The following CATSPERQ variants were observed in gnomAD, a reference collection of about 807,000 sequenced individuals.
CATSPERQ encodes the protein catsper channel auxiliary subunit theta.
the CATSPERQ span, chr8:144,354,021 G>T: frequency 4.6e-6 from 7 of 1,535,494 alleles, no homozygotes; most frequent in Non-Finnish European, 5.2e-6. This position sits in a 1 kb window ranked among gnomAD's most constrained non-coding sequence, Gnocchi z 4.6. Context: ...TGCGGCCCTG[G>T]ATGGAGAAGT....
At chr8:144,353,950 T>C in the CATSPERQ span, 2 of 1,530,668 alleles carry the variant, frequency 1.3e-6, no homozygotes, top group East Asian at 2.5e-5. Context: ...TCCCGGCCCG[T>C]TACCATCGGA....
the CATSPERQ span, chr8:144,354,839 T>TA: frequency 6.7e-7 from 1 of 1,491,804 alleles, no homozygotes; most frequent in Non-Finnish European, 8.9e-7. The surrounding 1 kb of genome is among the most constrained non-coding windows in gnomAD (Gnocchi z 4.6). Context: ...GCGGCACTCC[T>TA]ACCTCGGTGA....
chr8:144,354,316 T>C, the CATSPERQ span: 4 of 1,533,558 alleles, frequency 2.6e-6, no homozygotes, highest in Non-Finnish European at 1.7e-6. The surrounding 1 kb of genome is among the most constrained non-coding windows in gnomAD (Gnocchi z 4.6). Context: ...GTCCAGGTAG[T>C]ATTCGAGCAC....
the CATSPERQ span, chr8:144,354,104 C>A: frequency 6.5e-7 from 1 of 1,535,282 alleles, no homozygotes; most frequent in East Asian, 2.4e-5. The surrounding 1 kb of genome is among the most constrained non-coding windows in gnomAD (Gnocchi z 4.6). Flanking sequence ...CACAGGCCCA[C>A]GCCCACGCCG....
chr8:144,354,564 G>GCC, the CATSPERQ span: 1 of 254,766 alleles, frequency 3.9e-6, no homozygotes, highest in Non-Finnish European at 5.9e-6. The surrounding 1 kb of genome is among the most constrained non-coding windows in gnomAD (Gnocchi z 4.6). Context: ...CTCCTCCCCC[G>GCC]CCCCGCCCTT....
the CATSPERQ span, chr8:144,354,602 C>T: frequency 1.3e-6 from 2 of 1,504,622 alleles, no homozygotes; most frequent in Non-Finnish European, 1.8e-6. This position sits in a 1 kb window ranked among gnomAD's most constrained non-coding sequence, Gnocchi z 4.6. Context: ...CCGCCCCGCC[C>T]AGCCTCGCGC....
chr8:144,354,691 G>T, the CATSPERQ span: 4 of 1,535,516 alleles, frequency 2.6e-6, no homozygotes, highest in East Asian at 9.8e-5. The surrounding 1 kb of genome is among the most constrained non-coding windows in gnomAD (Gnocchi z 4.6). Flanking sequence ...CTCCGGGCAG[G>T]TGAGTCCTAG....
the CATSPERQ span, chr8:144,354,156 G>T: frequency 1.3e-6 from 2 of 1,535,354 alleles, no homozygotes; most frequent in Non-Finnish European, 1.7e-6. This position sits in a 1 kb window ranked among gnomAD's most constrained non-coding sequence, Gnocchi z 4.6. Flanking sequence ...GCACCTGCGG[G>T]CGCCACGCGG....
chr8:144,354,490 C>G, the CATSPERQ span: 1 of 1,355,082 alleles, frequency 7.4e-7, no homozygotes, highest in Non-Finnish European at 9.7e-7. This position sits in a 1 kb window ranked among gnomAD's most constrained non-coding sequence, Gnocchi z 4.6. Context: ...CCGGCCCCAC[C>G]CAGGGCCCTG....
chr8:144,353,828 C>G, the CATSPERQ span: 4 of 1,535,386 alleles, frequency 2.6e-6, no homozygotes, highest in Non-Finnish European at 3.5e-6. Context: ...AACCTGTGGC[C>G]GCCGAGGACC....
the CATSPERQ span, chr8:144,354,895 A>G: frequency 7.1e-7 from 1 of 1,414,124 alleles, no homozygotes; most frequent in African/African-American, 1.4e-5. The surrounding 1 kb of genome is among the most constrained non-coding windows in gnomAD (Gnocchi z 4.6). Flanking sequence ...AGGAGCTCAC[A>G]GGCGACTGAC....
At chr8:144,354,295 T>C in the CATSPERQ span, 1 of 1,534,240 alleles carries the variant, frequency 6.5e-7, no homozygotes, top group Non-Finnish European at 8.7e-7. The surrounding 1 kb of genome is among the most constrained non-coding windows in gnomAD (Gnocchi z 4.6). Flanking sequence ...CAGCATCCCC[T>C]TCCACAGTGT....
At chr8:144,354,001 T>A in the CATSPERQ span, 1 of 1,535,070 alleles carries the variant, frequency 6.5e-7, no homozygotes, top group East Asian at 2.4e-5. The surrounding 1 kb of genome is among the most constrained non-coding windows in gnomAD (Gnocchi z 4.6). Context: ...CAAGGGGCCC[T>A]GGCACACGGT....
At chr8:144,354,631 T>A in the CATSPERQ span, 2 of 1,511,060 alleles carry the variant, frequency 1.3e-6, no homozygotes, top group Non-Finnish European at 1.8e-6. The surrounding 1 kb of genome is among the most constrained non-coding windows in gnomAD (Gnocchi z 4.6). Flanking sequence ...TGGCTCCTGC[T>A]GCACGAATGG....
the CATSPERQ span, chr8:144,354,178 G>C: frequency 1.3e-6 from 2 of 1,540,506 alleles, no homozygotes; most frequent in Non-Finnish European, 1.7e-6. This position sits in a 1 kb window ranked among gnomAD's most constrained non-coding sequence, Gnocchi z 4.6. Flanking sequence ...GAGTCTGAGC[G>C]GCGCGGGGCC....
At chr8:144,353,927 C>G in the CATSPERQ span, 1 of 1,528,000 alleles carries the variant, frequency 6.5e-7, no homozygotes, top group Admixed American at 2.0e-5. Context: ...GCCTCCCCGT[C>G]CCTGGCGCAC....
the CATSPERQ span, chr8:144,353,871 G>A: frequency 6.5e-7 from 1 of 1,534,228 alleles, no homozygotes; most frequent in Non-Finnish European, 8.7e-7. Context: ...GGGCTGCGGG[G>A]AGAGCGGACT....
chr8:144,354,599 G>T, the CATSPERQ span: 4 of 674,026 alleles, frequency 5.9e-6, no homozygotes, highest in South Asian at 1.2e-4. This position sits in a 1 kb window ranked among gnomAD's most constrained non-coding sequence, Gnocchi z 4.6. Context: ...GCCCCGCCCC[G>T]CCCAGCCTCG....
chr8:144,354,708 G>C, the CATSPERQ span: 1 of 1,535,530 alleles, frequency 6.5e-7, no homozygotes, highest in Non-Finnish European at 8.7e-7. This position sits in a 1 kb window ranked among gnomAD's most constrained non-coding sequence, Gnocchi z 4.6. Flanking sequence ...CTAGGAACCA[G>C]AGCTGGAAGC....
Sources: gnomAD v4.1 joint callset for allele counts on GRCh38, gnomAD v4.1.1 for gene constraint, Gnocchi (gnomAD v3.1) non-coding constraint, MANE v1.5 for transcripts, NCBI Gene and HGNC (gene_info 2026-07-23, HGNC 2026-07-21) for gene names.